The following P2RY14 variants were observed in gnomAD, a reference collection of about 807,000 sequenced individuals.
P2RY14 encodes the protein P2Y purinoceptor 14.
A neutral mutation model predicts 0.9 loss-of-function variants in P2RY14; 2 were observed. That is an observed-to-expected ratio of 2.16 (90% CI 0.88 to 6.79). The LOEUF (loss-of-function observed/expected upper bound fraction) is 6.79, where lower values mean the gene tolerates loss of function less well. P2RY14 is among the 30% of genes most tolerant of loss of function. The pLI is 0.05. For synonymous variants in P2RY14, 158 were observed against 147.2 expected, an observed-to-expected ratio of 1.07 and a Z score of -0.53; for missense variants, 378 against 400.1, an observed-to-expected ratio of 0.94 and a Z score of 0.47.
At chr3:151,247,774 CA>C (rs149547852) in intron 1 of P2RY14, among the ~76,000 whole-genome samples, 68 of 142,052 alleles carry the variant, frequency 4.8e-4, no homozygotes, top group African/African-American at 8.5e-4. Flanking sequence ...AAAAAAAAAG[CA>C]AAAAAAAAAT....
intron 1 of P2RY14, among the ~76,000 whole-genome samples, chr3:151,260,022 G>T (rs1031788936): frequency 4.6e-5 from 7 of 152,040 alleles, no homozygotes; most frequent in Non-Finnish European, 1.0e-4. Flanking sequence ...GGGGAGCTCG[G>T]GTTATTTTGT....
chr3:151,253,746 CTT>C (rs1559943042), intron 1 of P2RY14, among the ~76,000 whole-genome samples: 1 of 152,012 alleles, frequency 6.6e-6, no homozygotes, highest in Non-Finnish European at 1.5e-5. Flanking sequence ...GGGCAGGTGA[CTT>C]TTTTGCAGCC....
chr3:151,263,643 C>T (rs967592576), intron 1 of P2RY14, among the ~76,000 whole-genome samples: 6 of 152,032 alleles, frequency 3.9e-5, no homozygotes, highest in African/African-American at 1.4e-4. Context: ...TTGAAAGAAA[C>T]AATCCAAGAA....
At chr3:151,273,212 A>AAACATTGTTG (rs1168287393) in intron 1 of P2RY14, among the ~76,000 whole-genome samples, 1 of 151,300 alleles carries the variant, frequency 6.6e-6, no homozygotes, top group African/African-American at 2.4e-5. Flanking sequence ...TGACAGCAAT[A>AAACATTGTTG]AACATTGTTG....
intron 1 of P2RY14, among the ~76,000 whole-genome samples, chr3:151,235,623 G>A (rs1013198799): frequency 6.6e-6 from 1 of 152,100 alleles, no homozygotes; most frequent in African/African-American, 2.4e-5. Flanking sequence ...GAACCTGGGA[G>A]GCAGAGGTCG....
At position 151,213,518 on chromosome 3, in the gene P2RY14, A is replaced by G; in HGVS notation, c.799T>C (p.Cys267Arg). 2.5e-6 allele frequency: 4 copies of G among 1,614,174 alleles called. No individual in the cohort carries two copies. Among genetic ancestry groups the G allele is most frequent in the South Asian group, 1.1e-5 (1 of 91,076 alleles). ...TACCGCAAGATTTCTTTTGACTGGC[A>G]GCTGTAATGAGCTTCGGTCTGACTC... Reference protein sequence around the residue: ...TKSQTEAHYSCQSKEILRYMK... With the variant: ...TKSQTEAHYSRQSKEILRYMK... Residue 267 changes from cysteine (C) to arginine (R), a missense_variant, in exon 3 of 3, where the codon TGC (cysteine) becomes CGC (arginine). Coordinates refer to ENST00000309170, the MANE Select transcript of P2RY14 (RefSeq NM_014879.4).
At chr3:151,274,965 T>G (rs909103309) in intron 1 of P2RY14, among the ~76,000 whole-genome samples, 1 of 152,196 alleles carries the variant, frequency 6.6e-6, no homozygotes, top group Non-Finnish European at 1.5e-5. Flanking sequence ...TGTAGCAGGA[T>G]GGAAATGTTC....
intron 1 of P2RY14, among the ~76,000 whole-genome samples, chr3:151,241,266 G>A (rs1734022517): frequency 6.6e-6 from 1 of 152,056 alleles, no homozygotes; most frequent in African/African-American, 2.4e-5. Context: ...TTCAAAAATG[G>A]CAATACCAAA....
At chr3:151,231,598 A>G (rs557854424) in intron 1 of P2RY14, among the ~76,000 whole-genome samples, 2 of 152,228 alleles carry the variant, frequency 1.3e-5, no homozygotes, top group African/African-American at 2.4e-5. Flanking sequence ...AAAAAAATCA[A>G]TGCCACGAGA....
At chr3:151,242,253 A>G (rs1210769472) in intron 1 of P2RY14, among the ~76,000 whole-genome samples, 4 of 152,260 alleles carry the variant, frequency 2.6e-5, no homozygotes, top group Non-Finnish European at 5.9e-5. Context: ...CGGGAAGCTC[A>G]AACTGGGCGG....
chr3:151,246,231 A>G (rs536854239), intron 1 of P2RY14, among the ~76,000 whole-genome samples: 1 of 152,346 alleles, frequency 6.6e-6, no homozygotes, highest in South Asian at 2.1e-4. Flanking sequence ...ATCCCCATCA[A>G]GCTACCAATG....
At chr3:151,239,154 C>T (rs1473467425) in intron 1 of P2RY14, among the ~76,000 whole-genome samples, 1 of 152,158 alleles carries the variant, frequency 6.6e-6, no homozygotes, top group East Asian at 1.9e-4. Context: ...TTTATATTTA[C>T]AAATTTCTGC....
chr3:151,228,656 A>G (rs1201353643), intron 1 of P2RY14, among the ~76,000 whole-genome samples: 1 of 152,088 alleles, frequency 6.6e-6, no homozygotes, highest in Non-Finnish European at 1.5e-5. Context: ...GCACTCAACA[A>G]CAGAGTGTAT....
chr3:151,259,006 C>T (rs545392018), intron 1 of P2RY14, among the ~76,000 whole-genome samples: 236 of 152,284 alleles, frequency 1.5e-3, no homozygotes, highest in Admixed American at 0.012. Context: ...GCTGCACACA[C>T]ATATGTAATA....
chr3:151,270,030 G>A (rs1740584997), intron 1 of P2RY14: 1 of 236,220 alleles, frequency 4.2e-6, no homozygotes, highest in Non-Finnish European at 8.3e-6. Flanking sequence ...TGATGAAGAA[G>A]GATGGGAAGA....
At chr3:151,273,227 C>CTTTTTTT (rs63035061) in intron 1 of P2RY14, among the ~76,000 whole-genome samples, 3 of 106,164 alleles carry the variant, frequency 2.8e-5, no homozygotes, top group Non-Finnish European at 3.8e-5. Context: ...TTGTTGTGTT[C>CTTTTTTT]TTTTTTTTTT....
At chr3:151,232,820 A>G (rs944281260) in intron 1 of P2RY14, among the ~76,000 whole-genome samples, 4 of 152,320 alleles carry the variant, frequency 2.6e-5, no homozygotes, top group Middle Eastern at 3.4e-3. Context: ...GAGCAGAAAG[A>G]TAACTATTGG....
At chr3:151,244,405 A>G (rs1472850937) in intron 1 of P2RY14, among the ~76,000 whole-genome samples, 1 of 136,118 alleles carries the variant, frequency 7.3e-6, no homozygotes, top group Non-Finnish European at 1.6e-5. Context: ...AACAGAAATT[A>G]TAACAAACTA....
At chr3:151,218,549 T>A (rs1458883505) in intron 2 of P2RY14, among the ~76,000 whole-genome samples, 4 of 152,056 alleles carry the variant, frequency 2.6e-5, no homozygotes, top group Non-Finnish European at 5.9e-5. Context: ...TAAGAAAGAT[T>A]CATATATATA....
Sources: gnomAD v4.1 joint callset for allele counts (sites outside exome capture counted in the v4.1 genomes callset) on GRCh38, gnomAD v4.1.1 for gene constraint, MANE v1.5 for transcripts, NCBI Gene and HGNC (gene_info 2026-07-23, HGNC 2026-07-21) for gene names.